VWC2L: variants seen among roughly 807,000 people sequenced by gnomAD.
The protein encoded by VWC2L is von Willebrand factor C domain-containing protein 2-like.
In VWC2L, 10 loss-of-function variants were observed where a neutral mutation model predicts 21.6. The observed-to-expected ratio is 0.46, with a 90% CI of 0.29 to 0.78. VWC2L has a LOEUF of 0.78. Ranked by LOEUF, VWC2L falls within the 30% of genes least tolerant of loss-of-function variation. The pLI is 0.10. For missense variants in VWC2L, 209 were observed against 277.1 expected (o/e 0.75, Z 1.74); for synonymous variants, 96 against 94.3 (o/e 1.02, Z -0.10).
intron 3 of VWC2L, among the ~76,000 whole-genome samples, chr2:214,508,078 G>A (rs1688993095): frequency 6.6e-6 from 1 of 152,036 alleles, no homozygotes; most frequent in African/African-American, 2.4e-5. Context: ...CCGGGTTCAC[G>A]CCATTCTCCT....
At chr2:214,473,101 G>A (rs1380571424) in intron 3 of VWC2L, among the ~76,000 whole-genome samples, 2 of 152,112 alleles carry the variant, frequency 1.3e-5, no homozygotes, top group East Asian at 1.9e-4. Flanking sequence ...GTAAGCAAAA[G>A]CAAATATTAA....
intron 3 of VWC2L, among the ~76,000 whole-genome samples, chr2:214,574,243 T>A (rs1690195237): frequency 6.6e-6 from 1 of 152,180 alleles, no homozygotes; most frequent in African/African-American, 2.4e-5. Flanking sequence ...ATTTCCCTCC[T>A]GCTCTGCATG....
intron 3 of VWC2L, among the ~76,000 whole-genome samples, chr2:214,544,720 G>T (rs527755870): frequency 2.6e-5 from 4 of 152,188 alleles, no homozygotes; most frequent in Non-Finnish European, 5.9e-5. Context: ...ACACTACTAT[G>T]TTTATTGCAA....
At chr2:214,511,151 G>C (rs1300809000) in intron 3 of VWC2L, among the ~76,000 whole-genome samples, 1 of 152,064 alleles carries the variant, frequency 6.6e-6, no homozygotes, top group Non-Finnish European at 1.5e-5. Context: ...GCCAAATGCA[G>C]CTACATGGGA....
At chr2:214,423,687 T>G (rs1351241058) in intron 2 of VWC2L, among the ~76,000 whole-genome samples, 1 of 152,138 alleles carries the variant, frequency 6.6e-6, no homozygotes, top group Non-Finnish European at 1.5e-5. Flanking sequence ...CAAACTAGCC[T>G]AAGTTTCCAA....
chr2:214,552,180 C>T (rs186845612), intron 3 of VWC2L, among the ~76,000 whole-genome samples: 7 of 152,308 alleles, frequency 4.6e-5, no homozygotes, highest in African/African-American at 1.4e-4. Context: ...CTTTTCCTAA[C>T]CTGCAACCTT....
intron 2 of VWC2L, among the ~76,000 whole-genome samples, chr2:214,426,065 T>C (rs894181225): frequency 6.7e-6 from 1 of 148,948 alleles, no homozygotes; most frequent in Admixed American, 6.9e-5. Context: ...CCAGGTACTT[T>C]GGAGGCTGAG....
chr2:214,520,963 C>T (rs1281853005), intron 3 of VWC2L, among the ~76,000 whole-genome samples: 1 of 151,982 alleles, frequency 6.6e-6, no homozygotes, highest in Non-Finnish European at 1.5e-5. Context: ...GTGGCTCACA[C>T]CTGTAATCCC....
intron 3 of VWC2L, among the ~76,000 whole-genome samples, chr2:214,501,451 G>A (rs1688888883): frequency 6.6e-6 from 1 of 152,092 alleles, no homozygotes; most frequent in African/African-American, 2.4e-5. Flanking sequence ...GGCCAGACGT[G>A]GTGGCTCATG....
chr2:214,433,395 G>T (rs2126177468), intron 2 of VWC2L, among the ~76,000 whole-genome samples: 1 of 152,004 alleles, frequency 6.6e-6, no homozygotes, highest in Admixed American at 6.6e-5. Flanking sequence ...GCTGGCAAAA[G>T]CCATGTACTA....
chr2:214,465,897 T>C (rs916274686), intron 3 of VWC2L, among the ~76,000 whole-genome samples: 3 of 152,178 alleles, frequency 2.0e-5, no homozygotes, highest in African/African-American at 7.2e-5. Context: ...TGTTGCTTTC[T>C]GCTGTGACAG....
chr2:214,497,959 CA>C (rs1386971846), intron 3 of VWC2L, among the ~76,000 whole-genome samples: 1 of 152,094 alleles, frequency 6.6e-6, no homozygotes, highest in Non-Finnish European at 1.5e-5. Flanking sequence ...GTGGCTTGGC[CA>C]AATAGAAGTT....
intron 2 of VWC2L, among the ~76,000 whole-genome samples, chr2:214,432,779 T>C (rs1184617898): frequency 6.6e-6 from 1 of 152,178 alleles, no homozygotes; most frequent in Non-Finnish European, 1.5e-5. Context: ...CCTAGCACTT[T>C]GGGAGGCCAA....
At chr2:214,421,883 ATC>A (rs1702446644) in intron 2 of VWC2L, among the ~76,000 whole-genome samples, 1 of 88,354 alleles carries the variant, frequency 1.1e-5, no homozygotes, top group Admixed American at 9.8e-5. Flanking sequence ...TATTTCCTAC[ATC>A]TTTTTTTTTT....
chr2:214,525,983 G>A (rs1183824169), intron 3 of VWC2L, among the ~76,000 whole-genome samples: 1 of 151,794 alleles, frequency 6.6e-6, no homozygotes, highest in Admixed American at 6.6e-5. Flanking sequence ...TTGGAACAGT[G>A]TTCTATATGT....
intron 3 of VWC2L, among the ~76,000 whole-genome samples, chr2:214,515,916 A>G (rs1040968792): frequency 2.6e-5 from 4 of 152,102 alleles, no homozygotes; most frequent in Admixed American, 1.3e-4. Context: ...CCAGACCTCT[A>G]TTCTTGGAAA....
chr2:214,447,318 C>A (rs56193495), intron 3 of VWC2L, among the ~76,000 whole-genome samples: 1 of 152,120 alleles, frequency 6.6e-6, no homozygotes, highest in African/African-American at 2.4e-5. Context: ...GACCCCCAAG[C>A]TCTTCTTCAC....
At chr2:214,465,124 C>T (rs1026896511) in intron 3 of VWC2L, among the ~76,000 whole-genome samples, 32 of 152,116 alleles carry the variant, frequency 2.1e-4, no homozygotes, top group African/African-American at 7.5e-4. Flanking sequence ...TACCTGGGGT[C>T]CCACTGGCCA....
intron 3 of VWC2L, among the ~76,000 whole-genome samples, chr2:214,512,006 T>C (rs546160757): frequency 3.2e-4 from 48 of 151,918 alleles, no homozygotes; most frequent in African/African-American, 1.1e-3. Flanking sequence ...TTCTCATTAG[T>C]GTTTCTCTTT....
Sources: allele counts gnomAD v4.1 joint callset (sites outside exome capture counted in the v4.1 genomes callset), GRCh38; gene constraint gnomAD v4.1.1; transcripts MANE v1.5; gene names NCBI Gene and HGNC (gene_info 2026-07-23, HGNC 2026-07-21).